Variants in ASCC3 observed in about 807,000 individuals in gnomAD.
ASCC3 encodes ASC-1 complex subunit P200.
ASCC3 carries 158 observed loss-of-function variants against 256.3 expected under a neutral mutation model. That is an observed-to-expected ratio of 0.62 (90% CI 0.54 to 0.70). ASCC3 has a LOEUF of 0.70. ASCC3 is among the 30% of genes least tolerant of loss of function. ASCC3 has a pLI of 0.00. For synonymous variants in ASCC3, 948 were observed against 883.4 expected (o/e 1.07, Z -1.30); for missense variants, 2,259 against 2,626.0 (o/e 0.86, Z 3.05).
intron 34 of ASCC3, among the ~76,000 whole-genome samples, chr6:100,592,796 G>A (rs545394265): frequency 8.5e-5 from 13 of 152,126 alleles, no homozygotes; most frequent in South Asian, 4.2e-4. Flanking sequence ...AAGTAAAAAG[G>A]TCTGTTTTCA....
At chr6:100,588,460 T>C (rs1268738812) in intron 36 of ASCC3, among the ~76,000 whole-genome samples, 1 of 152,180 alleles carries the variant, frequency 6.6e-6, no homozygotes, top group Admixed American at 6.5e-5. Flanking sequence ...TAGGAGCTGA[T>C]ATAAATCTCA....
rs565783409 is a variant in ASCC3, at chr6:100,759,011, CAT to C, written c.1737+7552_1737+7553del. Among the ~76,000 whole-genome samples, 11 of 152,292 alleles carry C rather than the reference CAT, an allele frequency of 7.2e-5. No homozygotes were observed. The East Asian group carries it at 1.2e-3, about 16-fold the overall frequency. On this transcript the variant is annotated intron_variant, in intron 10 of 41. Coordinates refer to ENST00000369162, the MANE Select transcript of ASCC3 (RefSeq NM_006828.4). ...TGATCAGTGATTTTGAGCTGTTTTA[CAT>C]ATGTTTGTCGTCCACATAAATGTCT...
At position 100,822,589 on chromosome 6, in the gene ASCC3, T is replaced by C. The variant is rs1771104300; in HGVS notation, c.802-16709A>G. Among the ~76,000 whole-genome samples the C allele has an allele frequency of 2.0e-5, 3 of 151,206 alleles. No homozygotes were observed. The South Asian group carries it at 6.3e-4, about 32-fold the overall frequency. ...TAATTTTCCCTAAAAGCATTTTGAA[T>C]GAGTGTCTTGAATTGCTGTGAGTGA... On this transcript the variant is annotated intron_variant, in intron 4 of 41. Coordinates refer to ENST00000369162, the MANE Select transcript of ASCC3 (RefSeq NM_006828.4).
At chr6:100,577,517 G>C (rs2114737659) in intron 36 of ASCC3, among the ~76,000 whole-genome samples, 1 of 152,160 alleles carries the variant, frequency 6.6e-6, no homozygotes, top group African/African-American at 2.4e-5. Flanking sequence ...AATGTATATA[G>C]CAAGTCTTCT....
intron 36 of ASCC3, among the ~76,000 whole-genome samples, chr6:100,587,735 C>A (rs1461629878): frequency 6.6e-6 from 1 of 152,136 alleles, no homozygotes; most frequent in Non-Finnish European, 1.5e-5. Flanking sequence ...GGAGAACTGA[C>A]TTTAATTAAC....
intron 36 of ASCC3, among the ~76,000 whole-genome samples, chr6:100,578,024 C>T (rs188350164): frequency 2.6e-5 from 4 of 151,940 alleles, no homozygotes; most frequent in African/African-American, 9.7e-5. Context: ...TAGCTCTATA[C>T]TATTTGGAAG....
At chr6:100,823,763 C>T (rs1168482855) in intron 4 of ASCC3, among the ~76,000 whole-genome samples, 1 of 152,106 alleles carries the variant, frequency 6.6e-6, no homozygotes, top group African/African-American at 2.4e-5. Flanking sequence ...ACTAAAACAG[C>T]ATTACTTCCT....
intron 33 of ASCC3, among the ~76,000 whole-genome samples, chr6:100,603,428 T>C (rs368061931): frequency 7.5e-4 from 114 of 152,208 alleles, no homozygotes; most frequent in South Asian, 3.7e-3. Context: ...AAAAGAATAT[T>C]TGGACTTCCA....
chr6:100,568,789 A>ATTT (rs1001827463), intron 36 of ASCC3, among the ~76,000 whole-genome samples: 6 of 127,210 alleles, frequency 4.7e-5, no homozygotes, highest in South Asian at 2.5e-4. Flanking sequence ...TATTATTATT[A>ATTT]TTTTTTGAGA....
intron 8 of ASCC3, among the ~76,000 whole-genome samples, chr6:100,796,221 T>C (rs1769605190): frequency 6.6e-6 from 1 of 152,184 alleles, no homozygotes; most frequent in Non-Finnish European, 1.5e-5. Context: ...GTGGAGAAAC[T>C]AGACTATATC....
At chr6:100,687,891 T>A (rs1352842635) in intron 13 of ASCC3, among the ~76,000 whole-genome samples, 1 of 152,002 alleles carries the variant, frequency 6.6e-6, no homozygotes, top group East Asian at 1.9e-4. Context: ...CAATACAGAC[T>A]TTTTGTAGAA....
At chr6:100,660,446 G>A (rs749031330) in intron 16 of ASCC3, among the ~76,000 whole-genome samples, 4 of 151,654 alleles carry the variant, frequency 2.6e-5, no homozygotes, top group Non-Finnish European at 5.9e-5. Context: ...CCAACACGTA[G>A]TTATTTAAGC....
intron 36 of ASCC3, among the ~76,000 whole-genome samples, chr6:100,552,974 T>G (rs1769377396): frequency 6.6e-6 from 1 of 152,066 alleles, no homozygotes; most frequent in Non-Finnish European, 1.5e-5. Context: ...AACTGCTATT[T>G]AATCCTCAAT....
At chr6:100,800,055 A>T (rs538845116) in intron 6 of ASCC3, among the ~76,000 whole-genome samples, 11 of 152,032 alleles carry the variant, frequency 7.2e-5, no homozygotes, top group Non-Finnish European at 1.0e-4. Flanking sequence ...GCACCTAAAA[A>T]TAGCTTAGCT....
chr6:100,822,868 G>T (rs1771121328), intron 4 of ASCC3, among the ~76,000 whole-genome samples: 1 of 152,068 alleles, frequency 6.6e-6, no homozygotes, highest in African/African-American at 2.4e-5. Context: ...ACATATCTTA[G>T]CTATTCAATC....
At chr6:100,563,649 C>T (rs772613646) in intron 36 of ASCC3, among the ~76,000 whole-genome samples, 24 of 152,118 alleles carry the variant, frequency 1.6e-4, no homozygotes, top group Non-Finnish European at 1.9e-4. Flanking sequence ...GCTATTCTCA[C>T]TCTGCCCAAT....
chr6:100,700,068 T>C (rs115344525), intron 13 of ASCC3, among the ~76,000 whole-genome samples: 2,289 of 152,240 alleles, frequency 0.015, 52 homozygotes, highest in African/African-American at 0.052. Flanking sequence ...GAGCCAAATG[T>C]TAGTCACCAA....
intron 36 of ASCC3, among the ~76,000 whole-genome samples, chr6:100,553,586 G>A (rs143354265): frequency 1.4e-4 from 22 of 152,048 alleles, no homozygotes; most frequent in Non-Finnish European, 2.8e-4. Context: ...TCTCTGATTT[G>A]CCCAGCTGTC....
intron 34 of ASCC3, among the ~76,000 whole-genome samples, chr6:100,592,629 G>T (rs1032842741): frequency 6.6e-6 from 1 of 152,060 alleles, no homozygotes; most frequent in African/African-American, 2.4e-5. Flanking sequence ...ATATGCTCTC[G>T]ATTAGTAGCA....
Sources: gnomAD v4.1 joint callset for allele counts (sites outside exome capture counted in the v4.1 genomes callset) on GRCh38, gnomAD v4.1.1 for gene constraint, MANE v1.5 for transcripts, NCBI Gene and HGNC (gene_info 2026-07-23, HGNC 2026-07-21) for gene names.